The following MAGI1 variants were observed in gnomAD, a reference collection of about 807,000 sequenced individuals.
MAGI1 encodes the protein membrane associated guanylate kinase, WW and PDZ domain containing 1, also known as membrane-associated guanylate kinase, WW and PDZ domain-containing protein 1.
A neutral mutation model predicts 139.9 loss-of-function variants in MAGI1; 58 were observed. The ratio of observed to expected loss-of-function variants is 0.41; its 90% CI spans 0.34 to 0.52. The LOEUF (loss-of-function observed/expected upper bound fraction) is 0.52, where lower values mean the gene tolerates loss of function less well. MAGI1 is among the 20% of genes least tolerant of loss of function. The probability of loss-of-function intolerance (pLI) is 0.12; values close to 1 mark genes in which losing one functional copy is unlikely to be tolerated. For synonymous variants in MAGI1, 812 were observed against 737.9 expected (o/e 1.10, Z -1.63); for missense variants, 1,874 against 1,901.6 (o/e 0.99, Z 0.27).
chr3:65,790,970 GA>G (rs2039724320), intron 1 of MAGI1, among the ~76,000 whole-genome samples: 1 of 152,164 alleles, frequency 6.6e-6, no homozygotes, highest in African/African-American at 2.4e-5. Context: ...AGCTACTGGA[GA>G]GGTTGAGACA....
chr3:65,622,888 C>T (rs932431230), intron 1 of MAGI1, among the ~76,000 whole-genome samples: 14 of 151,884 alleles, frequency 9.2e-5, no homozygotes, highest in South Asian at 4.2e-4. Context: ...TTTTTTATGA[C>T]GGTAAATAAA....
chr3:65,728,719 G>A lies in MAGI1; in HGVS notation c.314-106631C>T, dbSNP rs191238342. Among the ~76,000 whole-genome samples, 35 of 152,112 alleles carry A rather than the reference G, an allele frequency of 2.3e-4. No individual in the cohort carries two copies. The East Asian group carries it at 2.7e-3, about 12-fold the overall frequency. ...AAAGAAATGATGCAAAGAAAAAACC[G>A]TATTTTTTAAAAAATTATTTTGTCT... On this transcript the variant is annotated intron_variant, in intron 1 of 22. Transcript: ENST00000402939.
chr3:65,587,822 G>A (rs983645062), intron 2 of MAGI1, among the ~76,000 whole-genome samples: 3 of 151,986 alleles, frequency 2.0e-5, no homozygotes, highest in Admixed American at 6.6e-5. Context: ...GTTGTAACTC[G>A]ACCGACCAGC....
chr3:65,921,967 A>T (rs2062227357), intron 1 of MAGI1, among the ~76,000 whole-genome samples: 1 of 151,306 alleles, frequency 6.6e-6, no homozygotes, highest in East Asian at 1.9e-4. Context: ...ACACAAAAGG[A>T]AAGAATATAC....
intron 16 of MAGI1, among the ~76,000 whole-genome samples, chr3:65,381,465 C>CAGT (rs1199424895): frequency 6.6e-6 from 1 of 151,930 alleles, no homozygotes; most frequent in Non-Finnish European, 1.5e-5. Flanking sequence ...AGTAAGAAAT[C>CAGT]AGTAACTTTT....
At chr3:65,548,588 T>A (rs1442994527) in intron 2 of MAGI1, among the ~76,000 whole-genome samples, 2 of 139,018 alleles carry the variant, frequency 1.4e-5, no homozygotes, top group African/African-American at 2.7e-5. Flanking sequence ...AGTGGCGCGA[T>A]CTCAGCTCAC....
chr3:65,582,486 T>G (rs1576386750), intron 2 of MAGI1, among the ~76,000 whole-genome samples: 1 of 152,222 alleles, frequency 6.6e-6, no homozygotes, highest in South Asian at 2.1e-4. Flanking sequence ...ACATGCTGCA[T>G]AAGCGCTTTA....
rs550493522 is a variant in MAGI1, at chr3:65,370,562, A to G, written c.3196+5183T>C. ...TTTAAATTTTAAAATTGCCTTTATA[A>G]TGCCAACTGTTATTGGATAATCCAC... is the stretch of plus-strand genomic sequence containing the variant. On this transcript the variant is annotated intron_variant, in intron 18 of 22. Transcript: ENST00000402939. Among the ~76,000 whole-genome samples the G allele has an allele frequency of 8.5e-5, 13 of 152,334 alleles. No individual in the cohort carries two copies. In the South Asian group the frequency reaches 2.5e-3, roughly 29 times the overall value.
At chr3:65,543,171 A>G (rs563715479) in intron 2 of MAGI1, among the ~76,000 whole-genome samples, 2 of 152,378 alleles carry the variant, frequency 1.3e-5, no homozygotes, top group East Asian at 3.9e-4. Context: ...ATCACTGGAC[A>G]TTAGAGAAAT....
At chr3:65,676,613 T>C (rs2087205672) in intron 1 of MAGI1, among the ~76,000 whole-genome samples, 1 of 152,224 alleles carries the variant, frequency 6.6e-6, no homozygotes, top group South Asian at 2.1e-4. Context: ...AAACTACTCC[T>C]TTTTATTCAT....
chr3:65,619,897 T>C, intron 2 of MAGI1: 1 of 985,284 alleles, frequency 1.0e-6, no homozygotes, highest in African/African-American at 1.7e-5. Flanking sequence ...TCCAAATTCC[T>C]GATTTACTGG....
rs1265166414 is a variant in MAGI1, at chr3:65,530,708, C to T, written c.431-37077G>A. Among the ~76,000 whole-genome samples, 209 of 120,290 alleles carry T rather than the reference C, an allele frequency of 1.7e-3. 7 individuals are homozygous for T. The highest frequency in any genetic ancestry group is 6.8e-3 in the African/African-American group (195 of 28,812). The allele number at this position is 120,290 out of a possible 152,430, so 78.9% of individuals were successfully genotyped here. A position where few individuals can be genotyped will look rare whatever the true frequency, so the allele number is the denominator to read the frequency against. On this transcript the variant is annotated intron_variant, in intron 2 of 22. Coordinates refer to ENST00000402939, the MANE Select transcript of MAGI1 (RefSeq NM_001033057.2). ...ATACGTGTATATATATACACATATA[C>T]ACGTGTATATATATACACACGTATA...
intron 1 of MAGI1, among the ~76,000 whole-genome samples, chr3:65,882,660 C>A (rs950076129): frequency 1.3e-5 from 2 of 152,134 alleles, no homozygotes; most frequent in African/African-American, 4.8e-5. Context: ...TGACCAGGCA[C>A]AGTGGCTCAC....
intron 1 of MAGI1, among the ~76,000 whole-genome samples, chr3:65,934,761 AGTT>A (rs1265944620): frequency 2.0e-5 from 3 of 151,154 alleles, no homozygotes; most frequent in African/African-American, 2.4e-5. Flanking sequence ...GAGAAGAAAA[AGTT>A]GTTGTTTTTT....
intron 1 of MAGI1, among the ~76,000 whole-genome samples, chr3:65,940,472 A>T (rs1381004671): frequency 2.7e-4 from 41 of 152,200 alleles, no homozygotes; most frequent in Non-Finnish European, 1.5e-5. Flanking sequence ...GCAGAAAAGA[A>T]AGTGAGAAAG....
chr3:65,750,300 G>A (rs2036040134), intron 1 of MAGI1, among the ~76,000 whole-genome samples: 3 of 152,112 alleles, frequency 2.0e-5, no homozygotes, highest in African/African-American at 7.2e-5. Flanking sequence ...GGGAAAACGG[G>A]CTTTTTAAAA....
intron 1 of MAGI1, among the ~76,000 whole-genome samples, chr3:65,680,909 T>C (rs556420073): frequency 3.3e-4 from 51 of 152,344 alleles, no homozygotes; most frequent in African/African-American, 1.1e-3. Context: ...GAGTTTTTCT[T>C]GTAATGGGAC....
intron 1 of MAGI1, among the ~76,000 whole-genome samples, chr3:65,968,125 A>C (rs988992566): frequency 6.6e-6 from 1 of 152,210 alleles, no homozygotes; most frequent in East Asian, 1.9e-4. Context: ...ATGGTAAGAA[A>C]GGGAATTAAA....
intron 1 of MAGI1, among the ~76,000 whole-genome samples, chr3:65,661,578 A>G (rs1035902254): frequency 3.3e-5 from 5 of 152,140 alleles, no homozygotes. Flanking sequence ...TGAGCAAGCC[A>G]CTTCTTGTTT....
Sources: allele counts gnomAD v4.1 joint callset (sites outside exome capture counted in the v4.1 genomes callset), GRCh38; gene constraint gnomAD v4.1.1; transcripts MANE v1.5; gene names NCBI Gene and HGNC (gene_info 2026-07-23, HGNC 2026-07-21).